SCTR: variants seen among roughly 807,000 people sequenced by gnomAD.
SCTR encodes secretin receptor, also known as pancreatic secretin receptor.
In SCTR, 56 loss-of-function variants were observed where a neutral mutation model predicts 60.8. The observed-to-expected ratio is 0.92, with a 90% CI of 0.74 to 1.15. SCTR has a LOEUF of 1.15. Among genes scored for constraint, SCTR ranks in the 50% most tolerant of loss-of-function variants. The pLI is 0.00. For synonymous variants in SCTR, 202 were observed against 217.0 expected (o/e 0.93, Z 0.61); for missense variants, 562 against 550.4 (o/e 1.02, Z -0.21).
intron 7 of SCTR, among the ~76,000 whole-genome samples, chr2:119,458,507 A>C (rs1185123156): frequency 6.6e-6 from 1 of 151,976 alleles, no homozygotes; most frequent in Non-Finnish European, 1.5e-5. Flanking sequence ...AGGCTGAGGC[A>C]GGAGAATGGT....
chr2:119,479,101 G>A, intron 2 of SCTR, 183 bp from the exon 3 acceptor site: 1 of 1,427,678 alleles, frequency 7.0e-7, no homozygotes, highest in Non-Finnish European at 9.2e-7. Flanking sequence ...CTTGGACTCT[G>A]CCATGTACAC....
chr2:119,519,810 CAAAAAAAAAAAAAAAAAGA>C lies in SCTR; in HGVS notation c.72+4326_72+4344del, dbSNP rs1291806559. Among the ~76,000 whole-genome samples the C allele has an allele frequency of 2.4e-4, 14 of 58,282 alleles. 1 individual carries two copies. In the Middle Eastern group the frequency reaches 0.068, roughly 284 times the overall value. The allele number at this position is 58,282 out of a possible 152,430, so 38.2% of individuals were successfully genotyped here. A position where few individuals can be genotyped will look rare whatever the true frequency, so the allele number is the denominator to read the frequency against. On this transcript the variant is annotated intron_variant, in intron 1 of 12. Transcript: ENST00000019103. ...GACAGAGTGAGATGAGACTCTGTCTCAAAAAAAAAAAAAAAAAGAAAAAAAGAAAAGAAAAACAAAGAAA... is the reference window on the plus strand; with the variant it reads ...GACAGAGTGAGATGAGACTCTGTCTCAAAAAAGAAAAGAAAAACAAAGAAA...
chr2:119,446,340 A>G (rs1009156758), intron 11 of SCTR, among the ~76,000 whole-genome samples: 22 of 152,002 alleles, frequency 1.4e-4, no homozygotes, highest in African/African-American at 3.6e-4. Context: ...GGCATTTTCT[A>G]TGGACTTCCC....
chr2:119,478,988 T>A, intron 2 of SCTR, 70 bp from the exon 3 acceptor site: 1 of 1,594,970 alleles, frequency 6.3e-7, no homozygotes. Flanking sequence ...CCTGTCCACA[T>A]CACCGACACC....
chr2:119,449,913 A>C (rs1436171964), intron 9 of SCTR, among the ~76,000 whole-genome samples: 1 of 125,592 alleles, frequency 8.0e-6, no homozygotes, highest in Admixed American at 8.5e-5. Flanking sequence ...GTTGTATTTA[A>C]TTTAATAGGG....
intron 1 of SCTR, among the ~76,000 whole-genome samples, chr2:119,495,064 A>C (rs1678292742): frequency 6.6e-6 from 1 of 152,158 alleles, no homozygotes; most frequent in African/African-American, 2.4e-5. Flanking sequence ...TGCTCCCAGC[A>C]GCTAGGACTA....
chr2:119,458,424 AC>A (rs1683463176), intron 7 of SCTR, among the ~76,000 whole-genome samples: 1 of 152,008 alleles, frequency 6.6e-6, no homozygotes, highest in East Asian at 2.0e-4. Flanking sequence ...ACACAGTGAA[AC>A]CCCGTCTCCA....
At chr2:119,518,481 C>G (rs2104956012) in intron 1 of SCTR, among the ~76,000 whole-genome samples, 1 of 152,206 alleles carries the variant, frequency 6.6e-6, no homozygotes, top group East Asian at 1.9e-4. Flanking sequence ...CCTCAGGAGC[C>G]TGCAGCACAA....
chr2:119,521,510 T>C lies in SCTR; in HGVS notation c.72+2645A>G, dbSNP rs74412684. Among the ~76,000 whole-genome samples, 1,300 of 152,214 alleles carry C rather than the reference T, an allele frequency of 8.5e-3. 21 individuals carry two copies. Among genetic ancestry groups the C allele is most frequent in the African/African-American group, 0.03 (1,244 of 41,536 alleles). On this transcript the variant is annotated intron_variant, in intron 1 of 12. Transcript: ENST00000019103. ...ACAGTAATGTTCCAGGTAAAAGTTC[T>C]CATGAGATGTATGGGGGTGGGGCCG...
intron 4 of SCTR, among the ~76,000 whole-genome samples, chr2:119,471,530 G>C (rs976009505): frequency 8.5e-5 from 13 of 152,196 alleles, no homozygotes; most frequent in Admixed American, 7.2e-4. Context: ...TCCACATAGA[G>C]CAAGGCTGAT....
intron 4 of SCTR, 52 bp from the exon 5 acceptor site, chr2:119,465,938 C>A: frequency 7.6e-7 from 1 of 1,319,284 alleles, no homozygotes; most frequent in South Asian, 1.2e-5. Flanking sequence ...CTAGCTCTGC[C>A]TTCTGTGCCT....
chr2:119,457,695 G>A (rs1683426982), intron 7 of SCTR, among the ~76,000 whole-genome samples: 1 of 152,010 alleles, frequency 6.6e-6, no homozygotes, highest in Non-Finnish European at 1.5e-5. Context: ...CTTGGGCCAA[G>A]AGAGTGAGAT....
intron 1 of SCTR, among the ~76,000 whole-genome samples, chr2:119,504,796 G>A (rs1044221127): frequency 9.9e-5 from 15 of 151,956 alleles, no homozygotes; most frequent in South Asian, 4.1e-4. Flanking sequence ...CTATGGAATC[G>A]GAGAAAATGT....
rs192145553 is a variant in SCTR, at chr2:119,520,470, G to A, written c.72+3685C>T. 6.6e-5 allele frequency among the ~76,000 whole-genome samples: 10 copies of A among 152,330 alleles called. 2 individuals carry two copies. In the South Asian group the frequency reaches 1.9e-3, roughly 28 times the overall value. On this transcript the variant is annotated intron_variant, in intron 1 of 12. Coordinates refer to ENST00000019103, the MANE Select transcript of SCTR (RefSeq NM_002980.3). ...GCCATAATCGCACCATTGCACTCCA[G>A]CCCGGGCAACAGGGTAATTACCAGC...
intron 8 of SCTR, among the ~76,000 whole-genome samples, chr2:119,452,830 C>A (rs1027764694): frequency 9.2e-5 from 14 of 152,130 alleles, no homozygotes; most frequent in Non-Finnish European, 2.9e-5. Flanking sequence ...TTCCCATGTA[C>A]CTACTCCCAG....
At position 119,524,381 on chromosome 2, in the gene SCTR, G is replaced by T. The variant is rs1359043494; in HGVS notation, c.-155C>A. The stretch of plus-strand genomic sequence containing the variant: ...AGCCACCCGACCTGCGGCGGGCCCC[G>T]GGACTGCTCCTCCTCGGACCAGGTG... On this transcript the variant is annotated 5_prime_UTR_variant, in exon 1 of 13. Coordinates refer to ENST00000019103, the MANE Select transcript of SCTR (RefSeq NM_002980.3). 2 of 446,312 alleles carry T rather than the reference G, an allele frequency of 4.5e-6. No individual in the cohort carries two copies. The highest frequency in any genetic ancestry group is 7.6e-6 in the Non-Finnish European group (2 of 264,426). 27.6% of individuals were successfully genotyped at this position (446,312 alleles called of 1,614,324 possible).
chr2:119,465,266 C>A (rs1337566661), intron 5 of SCTR, among the ~76,000 whole-genome samples: 1 of 152,172 alleles, frequency 6.6e-6, no homozygotes, highest in Non-Finnish European at 1.5e-5. Context: ...CCAGCAACTG[C>A]TGGTGGTTGT....
At chr2:119,482,943 G>T (rs1200540408) in intron 2 of SCTR, among the ~76,000 whole-genome samples, 4 of 152,252 alleles carry the variant, frequency 2.6e-5, no homozygotes, top group Admixed American at 1.3e-4. Flanking sequence ...GCCAGCTCGG[G>T]TCAGCCTCTC....
chr2:119,465,418 T>C (rs1287751419), intron 5 of SCTR, among the ~76,000 whole-genome samples: 1 of 152,202 alleles, frequency 6.6e-6, no homozygotes, highest in Non-Finnish European at 1.5e-5. Context: ...ACTTGCCACT[T>C]ACATGGGTCA....
Sources: allele counts gnomAD v4.1 joint callset (sites outside exome capture counted in the v4.1 genomes callset), GRCh38; gene constraint gnomAD v4.1.1; transcripts MANE v1.5; gene names NCBI Gene and HGNC (gene_info 2026-07-23, HGNC 2026-07-21).